Variants in DNAH10 observed in about 807,000 individuals in gnomAD.
DNAH10 encodes the protein dynein axonemal heavy chain 10, also known as axonemal beta dynein heavy chain 10.
DNAH10 carries 348 observed loss-of-function variants against 506.6 expected under a neutral mutation model. The observed-to-expected ratio is 0.69, with a 90% CI of 0.63 to 0.75. The LOEUF is 0.75. Ranked by LOEUF, DNAH10 falls within the 30% of genes least tolerant of loss-of-function variation. DNAH10 has a pLI of 0.00. For missense variants in DNAH10, 5,179 were observed against 5,787.1 expected (o/e 0.89, Z 3.41); for synonymous variants, 2,059 against 2,198.6 (o/e 0.94, Z 1.78).
intron 52 of DNAH10, among the ~76,000 whole-genome samples, chr12:123,891,803 G>C (rs1952995237): frequency 6.6e-6 from 1 of 152,180 alleles, no homozygotes; most frequent in Admixed American, 6.5e-5. Context: ...TCATGGCTGT[G>C]AGTCATTACA....
rs147802273 is a variant in DNAH10, at chr12:123,888,474, A to C, written c.8995+1161A>C. The stretch of plus-strand genomic sequence containing the variant: ...CCTAAATCCAGTGACAGCTGTCCTT[A>C]TAAGAGAAGGCAGAGGGAGATTTGA... On this transcript the variant is annotated intron_variant, in intron 52 of 78. Coordinates refer to ENST00000673944, the MANE Select transcript of DNAH10 (RefSeq NM_001372106.1). Among the ~76,000 whole-genome samples the C allele has an allele frequency of 6.2e-4, 94 of 152,320 alleles. 1 individual carries two copies. The highest frequency in any genetic ancestry group is 2.0e-3 in the African/African-American group (84 of 41,570).
At chr12:123,906,121 A>G (rs1953767011) in intron 57 of DNAH10, among the ~76,000 whole-genome samples, 3 of 151,718 alleles carry the variant, frequency 2.0e-5, no homozygotes, top group South Asian at 2.1e-4. Context: ...TTTAGTGGAG[A>G]TGGGGTTTCA....
intron 10 of DNAH10, 90 bp from the exon 11 acceptor site, chr12:123,789,837 G>C: frequency 8.2e-7 from 1 of 1,222,786 alleles, no homozygotes; most frequent in Non-Finnish European, 1.2e-6. Flanking sequence ...CTTGCCCCCA[G>C]GTCAGTCTCG....
At chr12:123,923,531 C>G in intron 65 of DNAH10, 1 of 383,824 alleles carries the variant, frequency 2.6e-6, no homozygotes, top group Non-Finnish European at 4.6e-6. Flanking sequence ...TAGACATGGC[C>G]ATTTCCGTTA....
At chr12:123,797,221 A>G (rs1330997738) in intron 13 of DNAH10, among the ~76,000 whole-genome samples, 1 of 152,120 alleles carries the variant, frequency 6.6e-6, no homozygotes, top group Non-Finnish European at 1.5e-5. Flanking sequence ...GATCCCATCC[A>G]GGAGAAGCAT....
intron 9 of DNAH10, among the ~76,000 whole-genome samples, chr12:123,786,984 A>G (rs375918026): frequency 2.6e-5 from 4 of 152,130 alleles, no homozygotes; most frequent in South Asian, 4.1e-4. Context: ...CTGAAAGTAC[A>G]CAGAATTAGC....
At chr12:123,806,768 GTT>G (rs759640354) in intron 18 of DNAH10, among the ~76,000 whole-genome samples, 8 of 135,834 alleles carry the variant, frequency 5.9e-5, no homozygotes, top group African/African-American at 8.1e-5. Context: ...AATATGCTAT[GTT>G]TTTTTTTTTT....
At position 123,914,913 on chromosome 12, in the gene DNAH10, C is replaced by T. The variant is rs200816002; in HGVS notation, c.10636C>T (p.Arg3546Trp). The change falls in exon 62 of 79, where the codon CGG (arginine) becomes TGG (tryptophan). Residue 3546 changes from arginine to tryptophan, a missense_variant. This residue lies in a region of DNAH10 where 4,844 missense variants were observed against 5,430.5 expected (regional missense o/e 0.89). Coordinates refer to ENST00000673944, the MANE Select transcript of DNAH10 (RefSeq NM_001372106.1). ...CGTTCAGAATGGCATCCTCACCACCCGGGCCAGCCGCTTCCCTCTGTGTAT... is the reference window on the plus strand; with the variant it reads ...CGTTCAGAATGGCATCCTCACCACCTGGGCCAGCCGCTTCCCTCTGTGTAT... ...LSVQNGILTT[R>W]ASRFPLCIDP... 4.5e-5 allele frequency: 72 copies of T among 1,613,058 alleles called. No individual in the cohort carries two copies. The highest frequency in any genetic ancestry group is 6.7e-5 in the East Asian group (3 of 44,848).
chr12:123,918,104 C>T (rs993964777), intron 64 of DNAH10, among the ~76,000 whole-genome samples: 1 of 152,188 alleles, frequency 6.6e-6, no homozygotes, highest in Admixed American at 6.5e-5. Context: ...GAGATGGCCT[C>T]AGGTGGGGCT....
chr12:123,864,731 G>T lies in DNAH10; in HGVS notation c.7044+1G>T. 1 of 1,598,812 alleles carries T rather than the reference G, an allele frequency of 6.3e-7. No homozygotes were observed. Among genetic ancestry groups the T allele is most frequent in the Non-Finnish European group, 8.5e-7 (1 of 1,175,180 alleles). On this transcript the variant is annotated splice_donor_variant, in intron 40 of 78. Transcript: ENST00000673944. LOFTEE classifies it high-confidence loss of function. The stretch of plus-strand genomic sequence containing the variant: ...AGCACACTGTGCCCTGCTCTTTGAG[G>T]CAAGTAGTGATTAAAAGTAAATTTG...
chr12:123,833,862 G>A (rs1463139830), intron 27 of DNAH10, among the ~76,000 whole-genome samples: 2 of 152,072 alleles, frequency 1.3e-5, no homozygotes, highest in East Asian at 3.9e-4. Flanking sequence ...TTAACCTGAG[G>A]CCTGTCACAC....
rs1957255374 is a variant in DNAH10 at position 123,771,612 on chromosome 12, T to TC, written c.311dup (p.Leu105ThrfsTer15). The TC allele has an allele frequency of 6.2e-7, 1 of 1,613,632 alleles. No homozygotes were observed. Among genetic ancestry groups the TC allele is most frequent in the East Asian group, 2.2e-5 (1 of 44,884 alleles). On this transcript the variant is annotated frameshift_variant, in exon 3 of 79. Transcript: ENST00000673944. LOFTEE classifies it high-confidence loss of function. ...TTGCTGTTTTGCAGCTAAGCGTGTG[T>TC]CACTGAGAACCGAATCTCTAGGCCA...
rs1954973866 is a variant in DNAH10 at position 123,926,975 on chromosome 12, G to A, written c.12105+155G>A. On this transcript the variant is annotated intron_variant, in intron 69 of 78. Coordinates refer to ENST00000673944, the MANE Select transcript of DNAH10 (RefSeq NM_001372106.1). The surrounding 1 kb of genome is among the most constrained non-coding windows in gnomAD (Gnocchi z 4.1). The stretch of plus-strand genomic sequence containing the variant: ...AGCAGTAATGAAACACTGGGAAGAT[G>A]ACAATAATAGTTATGATTTCACAAC... The A allele has an allele frequency of 6.6e-6, 5 of 761,314 alleles. No individual in the cohort carries two copies. The highest frequency in any genetic ancestry group is 5.4e-5 in the East Asian group (2 of 37,028). The allele number at this position is 761,314 out of a possible 1,614,324, so 47.2% of individuals were successfully genotyped here.
chr12:123,817,099 C>CTTTTTTTTTTTTT (rs755698934), intron 21 of DNAH10, among the ~76,000 whole-genome samples: 2 of 87,010 alleles, frequency 2.3e-5, no homozygotes, highest in African/African-American at 4.4e-5. Context: ...TCCAGTCTAA[C>CTTTTTTTTTTTTT]TTTTTTTTTT....
chr12:123,887,221 G>T lies in DNAH10; in HGVS notation c.8903G>T (p.Gly2968Val). The change falls in exon 52 of 79, where the codon GGG becomes GTG. Residue 2968 changes from glycine (G) to valine (V), a missense_variant. Transcript: ENST00000673944. ...CTGAAGAGCCTCTATTTGAAACTTG[G>T]GATTGAGAACAAAGCGATGATCTTT... is the stretch of plus-strand genomic sequence containing the variant. Reference protein sequence around the residue: ...EDLKSLYLKLGIENKAMIFLF... With the variant: ...EDLKSLYLKLVIENKAMIFLF... The T allele has an allele frequency of 6.2e-7, 1 of 1,613,900 alleles. No individual in the cohort carries two copies. The highest frequency in any genetic ancestry group is 8.5e-7 in the Non-Finnish European group (1 of 1,179,840).
Position 123,935,691 on chromosome 12 carries a change from T to C in DNAH10, c.*210T>C, listed in dbSNP as rs3087928. ...TACTTTTTAAAAGGAATTTATATAA[T>C]CAAAAAGTAAATATTGGAGAGTATT... On this transcript the variant is annotated 3_prime_UTR_variant, in exon 79 of 79. Transcript: ENST00000673944. 4.2e-6 allele frequency: 2 copies of C among 471,140 alleles called. No homozygotes were observed. Among genetic ancestry groups the C allele is most frequent in the Non-Finnish European group, 7.3e-6 (2 of 275,066 alleles). The allele number at this position is 471,140 out of a possible 1,614,324, so 29.2% of individuals were successfully genotyped here.
intron 56 of DNAH10, 74 bp downstream of exon 56, chr12:123,898,888 A>G (rs1244689946): frequency 2.7e-6 from 4 of 1,483,644 alleles, no homozygotes; most frequent in African/African-American, 1.4e-5. Context: ...GGGCGGGGCC[A>G]GGGCAGCCCA....
chr12:123,901,591 C>T (rs935550407), intron 56 of DNAH10, among the ~76,000 whole-genome samples: 8 of 152,234 alleles, frequency 5.3e-5, no homozygotes, highest in Non-Finnish European at 1.0e-4. Flanking sequence ...ATTCATCTCC[C>T]GGGGCTGCTC....
chr12:123,934,244 C>A (rs749535723), intron 77 of DNAH10: 18 of 700,494 alleles, frequency 2.6e-5, no homozygotes, highest in South Asian at 2.5e-4. Flanking sequence ...CACTTCGGCT[C>A]ACAGGGTAGC....
Sources: gnomAD v4.1 joint callset for allele counts (sites outside exome capture counted in the v4.1 genomes callset) on GRCh38, gnomAD v4.1.1 for gene constraint, gnomAD v4.1.1 regional missense constraint, Gnocchi (gnomAD v3.1) non-coding constraint, MANE v1.5 for transcripts, NCBI Gene and HGNC (gene_info 2026-07-23, HGNC 2026-07-21) for gene names.